NKX2-2: variants seen among roughly 807,000 people sequenced by gnomAD.
NKX2-2 encodes homeobox protein Nkx-2.2.
A neutral mutation model predicts 24.6 loss-of-function variants in NKX2-2; 8 were observed. The observed-to-expected ratio is 0.32, with a 90% CI of 0.19 to 0.59. The LOEUF (loss-of-function observed/expected upper bound fraction) is 0.59, where lower values mean the gene tolerates loss of function less well. NKX2-2 is among the 20% of genes least tolerant of loss of function. NKX2-2 has a pLI of 0.86. For synonymous variants in NKX2-2, 217 were observed against 173.3 expected, an observed-to-expected ratio of 1.25 and a Z score of -1.98; for missense variants, 381 against 373.9, an observed-to-expected ratio of 1.02 and a Z score of -0.16.
upstream of NKX2-2, among the ~76,000 whole-genome samples, chr20:21,518,319 T>C (rs1340068857): frequency 6.6e-6 from 1 of 152,182 alleles, no homozygotes; most frequent in Non-Finnish European, 1.5e-5. Flanking sequence ...CCAGATTCCG[T>C]ACACATCTCT....
In NKX2-2 at chr20:21,511,911, T is replaced by C. The variant is rs572080499; in HGVS notation, c.*12A>G. On this transcript the variant is annotated 3_prime_UTR_variant, in exon 2 of 2. Transcript: ENST00000377142. ...CCTGGGCCTGGGGCCGCGAGTCTCGTTGGGGCGGCGCTCACCAAGTCCACT... is the reference window on the plus strand; with the variant it reads ...CCTGGGCCTGGGGCCGCGAGTCTCGCTGGGGCGGCGCTCACCAAGTCCACT... The C allele has an allele frequency of 1.6e-5, 25 of 1,557,998 alleles. No individual in the cohort carries two copies. In the East Asian group the frequency reaches 4.8e-4, roughly 30 times the overall value.
Position 21,512,374 on chromosome 20 carries a change from T to C in NKX2-2, c.371A>G (p.Asp124Gly). The change falls in exon 2 of 2, where the codon GAC becomes GGC. Residue 124 changes from aspartate to glycine, a missense_variant. Coordinates refer to ENST00000377142, the MANE Select transcript of NKX2-2 (RefSeq NM_002509.4). ...TCGCCGCTTTCGCTTCTTGCCGGCG[T>C]CCCCCCCGCCGCCCGGGGTCTCCTT... is the stretch of plus-strand genomic sequence containing the variant. The part of the protein sequence containing the change: ...NDKETPGGGG[D>G]AGKKRKRRVL... 1 of 1,602,926 alleles carries C rather than the reference T, an allele frequency of 6.2e-7. No homozygotes were observed. Among genetic ancestry groups the C allele is most frequent in the Non-Finnish European group, 8.5e-7 (1 of 1,176,396 alleles).
chr20:21,519,302 A>G, the NKX2-2 span, among the ~76,000 whole-genome samples: 9 of 152,334 alleles, frequency 5.9e-5, no homozygotes, highest in South Asian at 2.1e-4. Context: ...CATCTCAGAT[A>G]ACAACCTTCA....
At chr20:21,517,829 G>A (rs1328665045), upstream of NKX2-2, among the ~76,000 whole-genome samples, 1 of 152,094 alleles carries the variant, frequency 6.6e-6, no homozygotes, top group Non-Finnish European at 1.5e-5. Context: ...GCCTTCTAGA[G>A]CCCAGGAGCT....
Position 21,513,500 on chromosome 20 carries a change from T to G in NKX2-2, c.170A>C (p.Gln57Pro). The G allele has an allele frequency of 3.1e-6, 5 of 1,612,540 alleles. No homozygotes were observed. The highest frequency in any genetic ancestry group is 4.2e-6 in the Non-Finnish European group (5 of 1,179,378). ...PLGQGALDAVQSLPLKNPFYD... is the reference protein window; with the variant it reads ...PLGQGALDAVPSLPLKNPFYD... ...GAAGGGGTTCTTCAGGGGCAGGCTC[T>G]GCACCGCGTCCAGGGCGCCCTGCCC... Residue 57 changes from glutamine (Q) to proline (P), a missense_variant, in exon 1 of 2, where the codon CAG becomes CCG. Physicochemically the swap from Gln to Pro is moderately conservative, Grantham distance 76. Around this residue, in one of 3 missense-constraint regions of NKX2-2, gnomAD observed 206 missense variants for 173.1 expected, o/e 1.19. Coordinates refer to ENST00000377142, the MANE Select transcript of NKX2-2 (RefSeq NM_002509.4). This position sits in a 1 kb window ranked among gnomAD's most constrained non-coding sequence, Gnocchi z 4.6.
the NKX2-2 span, among the ~76,000 whole-genome samples, chr20:21,522,303 G>A: frequency 1.3e-5 from 2 of 152,196 alleles, no homozygotes; most frequent in Non-Finnish European, 2.9e-5. Context: ...CCGTGAACCC[G>A]AGCTCCGGCG....
chr20:21,515,250 C>A (rs1377350764), upstream of NKX2-2, among the ~76,000 whole-genome samples: 4 of 110,508 alleles, frequency 3.6e-5, no homozygotes, highest in East Asian at 8.2e-4. Context: ...AGCGGGAAGG[C>A]GGCGGGGCGG....
chr20:21,518,600 G>A (rs1416368552), upstream of NKX2-2, among the ~76,000 whole-genome samples: 1 of 152,202 alleles, frequency 6.6e-6, no homozygotes, highest in African/African-American at 2.4e-5. Context: ...GGCCCTCTAA[G>A]TCGGCTCAGT....
chr20:21,518,677 G>T (rs1224058803), upstream of NKX2-2, among the ~76,000 whole-genome samples: 1 of 152,246 alleles, frequency 6.6e-6, no homozygotes, highest in Non-Finnish European at 1.5e-5. Flanking sequence ...GGGCACGGGG[G>T]CCGCCCAGAG....
Position 21,512,383 on chromosome 20 carries a change from CCG to C in NKX2-2, c.360_361del (p.Gly121ArgfsTer188). 6.2e-7 allele frequency: 1 copy of C among 1,602,128 alleles called. No homozygotes were observed. On this transcript the variant is annotated frameshift_variant, in exon 2 of 2. Coordinates refer to ENST00000377142, the MANE Select transcript of NKX2-2 (RefSeq NM_002509.4). LOFTEE classifies it high-confidence loss of function. The stretch of plus-strand genomic sequence containing the variant: ...TCGCTTCTTGCCGGCGTCCCCCCCG[CCG>C]CCCGGGGTCTCCTTGTCATTGTCCG...
chr20:21,521,922 G>A, the NKX2-2 span, among the ~76,000 whole-genome samples: 3 of 152,140 alleles, frequency 2.0e-5, no homozygotes, highest in Non-Finnish European at 4.4e-5. Context: ...CCCCCACCGC[G>A]CGCCCTACCA....
chr20:21,512,193 C>T lies in NKX2-2; in HGVS notation c.552G>A (p.Lys184=). 1 of 1,613,992 alleles carries T rather than the reference C, an allele frequency of 6.2e-7. No homozygotes were observed. ...CCATACCTTTCTCGGCCCGGGCGCG[C>T]TTCATCTTGTAGCGGTGGTTCTGGA... ...IWFQNHRYKM[K]RARAEKGMEV... Residue 184 remains lysine, a synonymous_variant, in exon 2 of 2, where the codon AAG becomes AAA. Coordinates refer to ENST00000377142, the MANE Select transcript of NKX2-2 (RefSeq NM_002509.4).
In NKX2-2 at chr20:21,512,097, G is replaced by T; in HGVS notation, c.648C>A (p.His216Gln). 6.2e-7 allele frequency: 1 copy of T among 1,613,848 alleles called. No individual in the cohort carries two copies. Among genetic ancestry groups the T allele is most frequent in the Non-Finnish European group, 8.5e-7 (1 of 1,179,950 alleles). ...CTGCCAGGTCCTGGGCTTTGAGCGC[G>T]TGACATGGTTTGCCGTCCCTGACCA... Reference protein sequence around the residue: ...PVLVRDGKPCHALKAQDLAAA... With the variant: ...PVLVRDGKPCQALKAQDLAAA... The change falls in exon 2 of 2, where the codon CAC becomes CAA. Residue 216 changes from histidine (H) to glutamine (Q), a missense_variant. His to Gln is a conservative substitution (Grantham distance 24). This residue lies in a region of NKX2-2 where 139 missense variants were observed against 121.7 expected (regional missense o/e 1.14). Transcript: ENST00000377142.
At chr20:21,519,128 G>C in the NKX2-2 span, among the ~76,000 whole-genome samples, 1 of 152,190 alleles carries the variant, frequency 6.6e-6, no homozygotes, top group African/African-American at 2.4e-5. Flanking sequence ...CCACAAAAGC[G>C]CTTCCAATCA....
At position 21,511,978 on chromosome 20, in the gene NKX2-2, G is replaced by T. The variant is rs1980448418; in HGVS notation, c.767C>A (p.Thr256Asn). ...GGGGTGTGCTGTCGGGTACTGGGGG[G>T]TGCTGGCCGAGCTGTACTGGGCGTT... is the stretch of plus-strand genomic sequence containing the variant. ...QYNAQYSSAS[T>N]PQYPTAHPLV... The change falls in exon 2 of 2, where the codon ACC becomes AAC. Residue 256 changes from threonine to asparagine, a missense_variant. Coordinates refer to ENST00000377142, the MANE Select transcript of NKX2-2 (RefSeq NM_002509.4). 6.2e-7 allele frequency: 1 copy of T among 1,611,312 alleles called. No individual in the cohort carries two copies. Among genetic ancestry groups the T allele is most frequent in the Middle Eastern group, 1.7e-4 (1 of 6,036 alleles).
At chr20:21,522,021 C>A in the NKX2-2 span, among the ~76,000 whole-genome samples, 9 of 152,236 alleles carry the variant, frequency 5.9e-5, no homozygotes, top group Non-Finnish European at 8.8e-5. Context: ...ACCTTCCCAG[C>A]CCCTGGGACA....
At chr20:21,514,903 C>A (rs1980581613), upstream of NKX2-2, among the ~76,000 whole-genome samples, 1 of 152,260 alleles carries the variant, frequency 6.6e-6, no homozygotes, top group African/African-American at 2.4e-5. Context: ...CCAAGCGACC[C>A]GCCCCCTTCC....
chr20:21,519,431 G>A, the NKX2-2 span, among the ~76,000 whole-genome samples: 1 of 152,206 alleles, frequency 6.6e-6, no homozygotes, highest in African/African-American at 2.4e-5. Context: ...CGGACACAAA[G>A]GTTTTGTCGG....
In NKX2-2 at chr20:21,513,267, G is replaced by A. The variant is rs1980506619; in HGVS notation, c.259+144C>T. 1.2e-6 allele frequency: 1 copy of A among 822,594 alleles called. No individual in the cohort carries two copies. The highest frequency in any genetic ancestry group is 1.8e-6 in the Non-Finnish European group (1 of 553,634). The allele number at this position is 822,594 out of a possible 1,614,324, so 51.0% of individuals were successfully genotyped here. A position where few individuals can be genotyped will look rare whatever the true frequency, so the allele number is the denominator to read the frequency against. ...AGGAGGGCAGAGGACATCCTATACA[G>A]GTGTTAAAAATCTTTCTACGGATCC... On this transcript the variant is annotated intron_variant, in intron 1 of 1. Coordinates refer to ENST00000377142, the MANE Select transcript of NKX2-2 (RefSeq NM_002509.4). This position sits in a 1 kb window ranked among gnomAD's most constrained non-coding sequence, Gnocchi z 4.6.
Sources: gnomAD v4.1 joint callset for allele counts (sites outside exome capture counted in the v4.1 genomes callset) on GRCh38, gnomAD v4.1.1 for gene constraint, gnomAD v4.1.1 regional missense constraint, Gnocchi (gnomAD v3.1) non-coding constraint, MANE v1.5 for transcripts, NCBI Gene and HGNC (gene_info 2026-07-23, HGNC 2026-07-21) for gene names.